The following NRG1 variants were observed in gnomAD, a reference collection of about 807,000 sequenced individuals.
NRG1 encodes neuregulin 1.
NRG1 carries 18 observed loss-of-function variants against 63.8 expected under a neutral mutation model. The observed-to-expected ratio is 0.28, with a 90% CI of 0.19 to 0.42. The LOEUF (loss-of-function observed/expected upper bound fraction) is 0.42. Ranked by LOEUF, NRG1 falls within the 10% of genes least tolerant of loss-of-function variation. NRG1 has a pLI of 1.00. For synonymous variants in NRG1, 302 were observed against 301.3 expected (o/e 1.00, Z -0.02); for missense variants, 762 against 814.7 (o/e 0.94, Z 0.79).
At chr8:31,666,490 A>G (rs1806555577) in intron 1 of NRG1, among the ~76,000 whole-genome samples, 1 of 152,212 alleles carries the variant, frequency 6.6e-6, no homozygotes, top group African/African-American at 2.4e-5. Flanking sequence ...CTTTAACATG[A>G]TCATCTTCAA....
intron 1 of NRG1, among the ~76,000 whole-genome samples, chr8:32,010,141 T>C (rs984052089): frequency 6.6e-6 from 1 of 152,076 alleles, no homozygotes; most frequent in South Asian, 2.1e-4. Flanking sequence ...TTGCGTCTTA[T>C]TCTTAATTAC....
intron 5 of NRG1, among the ~76,000 whole-genome samples, chr8:32,634,918 G>A (rs1851039541): frequency 6.6e-6 from 1 of 152,136 alleles, no homozygotes; most frequent in Admixed American, 6.5e-5. Context: ...GGTTATCTGT[G>A]CATCTTTTTA....
chr8:31,798,674 A>C (rs988018914), intron 1 of NRG1, among the ~76,000 whole-genome samples: 5 of 152,306 alleles, frequency 3.3e-5, no homozygotes, highest in South Asian at 2.1e-4. Flanking sequence ...TGTACATAAT[A>C]AGATGTAATC....
At chr8:31,829,469 G>A (rs1246588941) in intron 1 of NRG1, among the ~76,000 whole-genome samples, 2 of 152,142 alleles carry the variant, frequency 1.3e-5, no homozygotes, top group Admixed American at 1.3e-4. Flanking sequence ...AATGGCAGAT[G>A]GACAGACCAT....
At chr8:32,760,997 C>A in intron 11 of NRG1, 1 of 985,952 alleles carries the variant, frequency 1.0e-6, no homozygotes, top group Non-Finnish European at 1.2e-6. Context: ...CTGCGTCTGG[C>A]AGTCTTCACG....
At chr8:32,026,653 C>T (rs60418871) in intron 1 of NRG1, among the ~76,000 whole-genome samples, 20,687 of 152,018 alleles carry the variant, frequency 0.14, 4,698 homozygotes, top group African/African-American at 0.47. Context: ...AATAAGTTAC[C>T]CTTAACACAT....
intron 1 of NRG1, among the ~76,000 whole-genome samples, chr8:31,961,788 TG>T (rs1304275752): frequency 6.6e-6 from 1 of 152,314 alleles, no homozygotes; most frequent in African/African-American, 2.4e-5. Flanking sequence ...TAACATTATT[TG>T]CTCACTTTTG....
chr8:32,241,945 G>C (rs540701520), intron 1 of NRG1, among the ~76,000 whole-genome samples: 39 of 152,142 alleles, frequency 2.6e-4, no homozygotes, highest in African/African-American at 9.4e-4. Flanking sequence ...GTAGAGACAA[G>C]TCTTGCTATG....
At chr8:31,786,258 C>A (rs1203938024) in intron 1 of NRG1, among the ~76,000 whole-genome samples, 4 of 152,174 alleles carry the variant, frequency 2.6e-5, no homozygotes, top group African/African-American at 9.7e-5. Context: ...GGCTTAGGCC[C>A]TGGCTTGATG....
intron 1 of NRG1, among the ~76,000 whole-genome samples, chr8:32,554,929 C>CT (rs71541826): frequency 0.027 from 3,918 of 145,844 alleles, 82 homozygotes; most frequent in African/African-American, 0.056. Flanking sequence ...CTCTCTCTCT[C>CT]TTTTTTTTTT....
At chr8:32,658,703 G>C (rs938490676) in intron 5 of NRG1, among the ~76,000 whole-genome samples, 3 of 152,056 alleles carry the variant, frequency 2.0e-5, no homozygotes, top group Admixed American at 2.0e-4. Context: ...ATCTCTTCTA[G>C]GCTTTCAGCT....
chr8:31,790,475 C>G (rs1406420067), intron 1 of NRG1, among the ~76,000 whole-genome samples: 1 of 152,144 alleles, frequency 6.6e-6, no homozygotes, highest in Non-Finnish European at 1.5e-5. Flanking sequence ...GCAGATTTAC[C>G]TACATAATTT....
At chr8:31,740,736 C>T in intron 1 of NRG1, among the ~76,000 whole-genome samples, 1 of 151,526 alleles carries the variant, frequency 6.6e-6, no homozygotes, top group East Asian at 2.0e-4. Flanking sequence ...TTAACAAATA[C>T]AAGAGGAAGA....
chr8:32,474,588 G>A (rs1824261813), intron 1 of NRG1, among the ~76,000 whole-genome samples: 1 of 151,470 alleles, frequency 6.6e-6, no homozygotes, highest in Admixed American at 6.6e-5. Flanking sequence ...CGCCTCCCAG[G>A]TTCAAGTGAT....
chr8:32,012,338 A>G (rs1360650383), intron 1 of NRG1, among the ~76,000 whole-genome samples: 1 of 152,126 alleles, frequency 6.6e-6, no homozygotes, highest in African/African-American at 2.4e-5. Context: ...GATGAGCATC[A>G]GTGGCTGAAT....
chr8:31,959,786 ATTTATTTATTAT>A (rs1253696236), intron 1 of NRG1, among the ~76,000 whole-genome samples: 7 of 131,712 alleles, frequency 5.3e-5, no homozygotes, highest in African/African-American at 2.0e-4. Flanking sequence ...CCGATTATTT[ATTTATTTATTAT>A]TTATTTATTT....
intron 1 of NRG1, among the ~76,000 whole-genome samples, chr8:32,106,313 A>G (rs1295332136): frequency 1.3e-5 from 2 of 152,228 alleles, no homozygotes; most frequent in South Asian, 4.1e-4. Flanking sequence ...ATATAACTAC[A>G]TGCAGTTTTA....
rs180996081 is a variant in NRG1, at chr8:31,910,943, A to T, written c.37+271512A>T. On this transcript the variant is annotated intron_variant, in intron 1 of 10. Transcript: ENST00000519301. ...CAGGTTTTACAACAGGACCAGCCTCATAATTAGTGCATCTTTCAAGGAGTG... is the reference window on the plus strand; with the variant it reads ...CAGGTTTTACAACAGGACCAGCCTCTTAATTAGTGCATCTTTCAAGGAGTG... Among the ~76,000 whole-genome samples, 32 of 152,288 alleles carry T rather than the reference A, an allele frequency of 2.1e-4. No individual in the cohort carries two copies. In the East Asian group the frequency reaches 5.0e-3, roughly 24 times the overall value.
chr8:32,688,879 T>C (rs1002574450), intron 5 of NRG1, among the ~76,000 whole-genome samples: 7 of 152,346 alleles, frequency 4.6e-5, no homozygotes, highest in South Asian at 2.1e-4. Context: ...CTGGTTCATC[T>C]ATTAGGCATT....
Sources: gnomAD v4.1 joint callset for allele counts (sites outside exome capture counted in the v4.1 genomes callset) on GRCh38, gnomAD v4.1.1 for gene constraint, MANE v1.5 for transcripts, NCBI Gene and HGNC (gene_info 2026-07-23, HGNC 2026-07-21) for gene names.